Variants in CSPP1 observed in about 807,000 individuals in gnomAD.
CSPP1 encodes the protein centrosome and spindle pole associated protein 1.
CSPP1 carries 126 observed loss-of-function variants against 164.4 expected under a neutral mutation model. The observed-to-expected ratio is 0.77, with a 90% confidence interval of 0.66 to 0.89. The LOEUF (loss-of-function observed/expected upper bound fraction) is 0.89, where lower values mean the gene tolerates loss of function less well. Among genes scored for constraint, CSPP1 ranks in the 40% least tolerant of loss-of-function variants. The pLI is 0.00. For missense variants in CSPP1, 1,395 were observed against 1,449.8 expected (o/e 0.96, Z 0.61); for synonymous variants, 472 against 476.7 (o/e 0.99, Z 0.13).
At chr8:67,075,401 G>T (rs1807709540) in intron 2 of CSPP1, among the ~76,000 whole-genome samples, 2 of 152,136 alleles carry the variant, frequency 1.3e-5, no homozygotes. Context: ...CTGGACAAAG[G>T]TACCTTGGCT....
intron 28 of CSPP1, among the ~76,000 whole-genome samples, chr8:67,188,737 C>G (rs1347783004): frequency 6.6e-6 from 1 of 152,210 alleles, no homozygotes; most frequent in Non-Finnish European, 1.5e-5. Context: ...CTCTACACTT[C>G]TGATCCAGCG....
At chr8:67,066,112 A>G (rs893448976) in intron 1 of CSPP1, among the ~76,000 whole-genome samples, 1 of 152,216 alleles carries the variant, frequency 6.6e-6, no homozygotes, top group Non-Finnish European at 1.5e-5. Context: ...GTTAATCACC[A>G]TTAAGGGTGT....
chr8:67,079,578 C>T (rs932476367), intron 3 of CSPP1, among the ~76,000 whole-genome samples: 9 of 152,130 alleles, frequency 5.9e-5, no homozygotes, highest in African/African-American at 2.2e-4. Context: ...TACAGTCTAG[C>T]CCCGTGTATC....
At chr8:67,094,266 C>CCT (rs1180108615) in intron 6 of CSPP1, among the ~76,000 whole-genome samples, 4 of 146,830 alleles carry the variant, frequency 2.7e-5, no homozygotes, top group African/African-American at 1.0e-4. Flanking sequence ...TTTAGTTTAT[C>CCT]CTCTCTTTTT....
At chr8:67,115,095 A>T (rs1027856365) in intron 12 of CSPP1, 9 of 152,252 alleles carry the variant, frequency 5.9e-5, no homozygotes. Flanking sequence ...TTAGCACCAT[A>T]GCTGAGTCTG....
intron 30 of CSPP1, 79 bp downstream of exon 30, chr8:67,193,681 G>A (rs1057486708): frequency 3.8e-5 from 48 of 1,258,944 alleles, no homozygotes; most frequent in Non-Finnish European, 5.0e-5. Context: ...TTTCACTAAC[G>A]TCTGAGGGAT....
intron 1 of CSPP1, chr8:67,065,522 C>A: frequency 2.0e-6 from 2 of 981,910 alleles, no homozygotes; most frequent in Non-Finnish European, 2.4e-6. Context: ...TGACAAGCTC[C>A]ATGGAAGCTA....
At chr8:67,184,717 C>T (rs1244105100) in intron 28 of CSPP1, among the ~76,000 whole-genome samples, 1 of 144,028 alleles carries the variant, frequency 6.9e-6, no homozygotes, top group Non-Finnish European at 1.5e-5. Flanking sequence ...GAGTGAGATT[C>T]TGTCTAAAAA....
At chr8:67,180,017 A>T in intron 28 of CSPP1, 91 bp downstream of exon 28, 1 of 646,756 alleles carries the variant, frequency 1.5e-6, no homozygotes, top group Non-Finnish European at 2.6e-6. Flanking sequence ...TTGTTGTACA[A>T]GGTAGTAAAA....
At chr8:67,091,415 A>T (rs1176879777) in intron 4 of CSPP1, among the ~76,000 whole-genome samples, 1 of 152,244 alleles carries the variant, frequency 6.6e-6, no homozygotes, top group African/African-American at 2.4e-5. Context: ...GGCATGCATT[A>T]AGATATTTGT....
chr8:67,139,995 A>G (rs993557491), intron 17 of CSPP1, among the ~76,000 whole-genome samples: 1 of 152,242 alleles, frequency 6.6e-6, no homozygotes, highest in Admixed American at 6.5e-5. Flanking sequence ...AAGTATAGTA[A>G]TAAAAGAATT....
chr8:67,164,469 G>A lies in CSPP1; in HGVS notation c.2789G>A (p.Arg930Gln), dbSNP rs377493480. 6.9e-6 allele frequency: 11 copies of A among 1,597,296 alleles called. No individual in the cohort carries two copies. The highest frequency in any genetic ancestry group is 5.4e-5 in the African/African-American group (4 of 74,616). The change falls in exon 24 of 31, where the codon CGA becomes CAA. Residue 930 changes from arginine to glutamine, a missense_variant. By Grantham distance (43) the Arg-to-Gln change is conservative. Transcript: ENST00000678616. ...AGTGAAGAGAGGCGTCTACAAGAGC[G>A]ATTGCTACACATGGACAGTGATGAT... The part of the protein sequence containing the change: ...LRSEERRLQE[R>Q]LLHMDSDDEI...
rs180831610 is a variant in CSPP1, at chr8:67,145,007, G to A, written c.1976-4776G>A. On this transcript the variant is annotated intron_variant, in intron 17 of 30. Coordinates refer to ENST00000678616, the MANE Select transcript of CSPP1 (RefSeq NM_001382391.1). ...GAATCATTTGAACCCAGGAGGTGGA[G>A]GTTGCAGTGAGCCAAGATTGCGTCA... Among the ~76,000 whole-genome samples, 1,270 of 151,380 alleles carry A rather than the reference G, an allele frequency of 8.4e-3. 9 individuals are homozygous for A. Among genetic ancestry groups the A allele is most frequent in the Non-Finnish European group, 0.014 (974 of 67,874 alleles).
At position 67,158,662 on chromosome 8, in the gene CSPP1, G is replaced by A; in HGVS notation, c.2391+66G>A. The A allele has an allele frequency of 1.3e-6, 2 of 1,501,344 alleles. 1 individual carries two copies. The highest frequency in any genetic ancestry group is 2.7e-5 in the South Asian group (2 of 74,764). 93.0% of individuals were successfully genotyped at this position (1,501,344 alleles called of 1,614,324 possible). A position where few individuals can be genotyped will look rare whatever the true frequency, so the allele number is the denominator to read the frequency against. On this transcript the variant is annotated intron_variant, in intron 20 of 30. Coordinates refer to ENST00000678616, the MANE Select transcript of CSPP1 (RefSeq NM_001382391.1). Reference sequence around the variant, plus strand: ...AAGGTGAAATCTTTGACTTGAAAAGGTATTTCTTACTTATAAAGGAGAACA... The same window carrying A: ...AAGGTGAAATCTTTGACTTGAAAAGATATTTCTTACTTATAAAGGAGAACA...
intron 24 of CSPP1, among the ~76,000 whole-genome samples, chr8:67,170,145 A>G (rs1230860147): frequency 6.6e-6 from 1 of 152,018 alleles, no homozygotes; most frequent in Non-Finnish European, 1.5e-5. Flanking sequence ...TTAACAGTAT[A>G]GCATTTATCT....
rs1814452498 is a variant in CSPP1 at position 67,102,922 on chromosome 8, C to A, written c.924-115C>A. On this transcript the variant is annotated intron_variant, in intron 7 of 30. Coordinates refer to ENST00000678616, the MANE Select transcript of CSPP1 (RefSeq NM_001382391.1). The stretch of plus-strand genomic sequence containing the variant: ...TTATAATGCATTTATAGTAAAACTT[C>A]ATTATAACACTTTGTTCCTTTTAAT... 1.9e-5 allele frequency: 10 copies of A among 526,662 alleles called. No homozygotes were observed. The South Asian group carries it at 3.6e-4, about 19-fold the overall frequency. The allele number at this position is 526,662 out of a possible 1,614,324, so 32.6% of individuals were successfully genotyped here.
chr8:67,120,536 C>G (rs531511579), intron 15 of CSPP1, among the ~76,000 whole-genome samples: 2 of 152,218 alleles, frequency 1.3e-5, no homozygotes, highest in South Asian at 2.1e-4. Flanking sequence ...AAATTTCTTT[C>G]AGCAATATTT....
At position 67,196,241 on chromosome 8, in the gene CSPP1, A is replaced by C. The variant is rs905720756; in HGVS notation, c.*648A>C. The C allele has an allele frequency of 4.6e-5, 7 of 152,206 alleles. No individual in the cohort carries two copies. Among genetic ancestry groups the C allele is most frequent in the African/African-American group, 1.4e-4 (6 of 41,448 alleles). 9.4% of individuals were successfully genotyped at this position (152,206 alleles called of 1,614,324 possible). A position where few individuals can be genotyped will look rare whatever the true frequency, so the allele number is the denominator to read the frequency against. The stretch of plus-strand genomic sequence containing the variant: ...ATGTAACTACTTCTTGATATAAATA[A>C]ATTTTTATTTTAATTACTAAAATCT... On this transcript the variant is annotated 3_prime_UTR_variant, in exon 31 of 31. Transcript: ENST00000678616.
At chr8:67,171,915 T>G (rs971565096) in intron 24 of CSPP1, among the ~76,000 whole-genome samples, 2 of 151,706 alleles carry the variant, frequency 1.3e-5, no homozygotes, top group Non-Finnish European at 2.9e-5. Context: ...TGGTGTGATC[T>G]CAGCTCACTG....
Sources: gnomAD v4.1 joint callset for allele counts (sites outside exome capture counted in the v4.1 genomes callset) on GRCh38, gnomAD v4.1.1 for gene constraint, MANE v1.5 for transcripts, NCBI Gene and HGNC (gene_info 2026-07-23, HGNC 2026-07-21) for gene names.